LIPE: variants seen among roughly 807,000 people sequenced by gnomAD.
The protein encoded by LIPE is hormone-sensitive lipase.
A neutral mutation model predicts 88.5 loss-of-function variants in LIPE; 66 were observed. That is an observed-to-expected ratio of 0.75 (90% CI 0.61 to 0.91). LIPE has a LOEUF of 0.91. LIPE is among the 40% of genes least tolerant of loss of function. LIPE has a pLI of 0.00. For missense variants in LIPE, 1,346 were observed against 1,434.7 expected (o/e 0.94, Z 1.00); for synonymous variants, 570 against 617.5 (o/e 0.92, Z 1.14).
At chr19:42,404,233 T>G (rs1431943196) in intron 8 of LIPE, among the ~76,000 whole-genome samples, 1 of 151,530 alleles carries the variant, frequency 6.6e-6, no homozygotes, top group Non-Finnish European at 1.5e-5. Flanking sequence ...CAGCTACTTT[T>G]TGTATTTTTT....
At chr19:42,420,000 ATTTCT>A (rs1262528864) in intron 1 of LIPE, among the ~76,000 whole-genome samples, 2 of 140,842 alleles carry the variant, frequency 1.4e-5, no homozygotes, top group South Asian at 4.5e-4. Context: ...AAGTGCTGGG[ATTTCT>A]TTTCTTTTTT....
At chr19:42,416,822 G>A (rs1477769509) in intron 1 of LIPE, among the ~76,000 whole-genome samples, 3 of 152,240 alleles carry the variant, frequency 2.0e-5, no homozygotes, top group African/African-American at 4.8e-5. Flanking sequence ...GGGCCCTGGT[G>A]GAGTAGATTA....
intron 1 of LIPE, among the ~76,000 whole-genome samples, chr19:42,413,805 T>TGGGACCTGGCAC: frequency 6.6e-6 from 1 of 152,312 alleles, no homozygotes; most frequent in East Asian, 1.9e-4. Context: ...GGGCCTATCA[T>TGGGACCTGGCAC]GGGACCTGGC....
Position 42,402,660 on chromosome 19 carries a change from GC to G in LIPE, c.2913del (p.Pro972ArgfsTer43). 4.0e-6 allele frequency: 6 copies of G among 1,499,506 alleles called. No homozygotes were observed. Among genetic ancestry groups the G allele is most frequent in the Non-Finnish European group, 5.3e-6 (6 of 1,122,374 alleles). 92.9% of individuals were successfully genotyped at this position (1,499,506 alleles called of 1,614,324 possible). A position where few individuals can be genotyped will look rare whatever the true frequency, so the allele number is the denominator to read the frequency against. On this transcript the variant is annotated frameshift_variant, in exon 9 of 10. Coordinates refer to ENST00000244289, the MANE Select transcript of LIPE (RefSeq NM_005357.4). LOFTEE classifies it high-confidence loss of function. The part of the protein sequence containing the change: ...SSPIVKNPFM[S>X]PLLAPDSMLK... ...AGCATGCTGTCGGGTGCCAGCAGCGGCGACATGAAGGGGTTCTTGACTATGG... is the reference window on the plus strand; with the variant it reads ...AGCATGCTGTCGGGTGCCAGCAGCGGGACATGAAGGGGTTCTTGACTATGG...
chr19:42,419,167 A>G (rs975328315), intron 1 of LIPE, among the ~76,000 whole-genome samples: 12 of 152,020 alleles, frequency 7.9e-5, no homozygotes, highest in African/African-American at 2.7e-4. Flanking sequence ...AGTCCCAGCT[A>G]CTCGGGAGGC....
At chr19:42,411,642 A>AC (rs1438785931) in intron 1 of LIPE, among the ~76,000 whole-genome samples, 1 of 151,708 alleles carries the variant, frequency 6.6e-6, no homozygotes, top group East Asian at 1.9e-4. Context: ...TGGCTGTGGA[A>AC]CCCCCTCCAA....
intron 1 of LIPE, chr19:42,423,596 C>A: frequency 8.3e-7 from 1 of 1,210,522 alleles, no homozygotes; most frequent in South Asian, 1.5e-5. Flanking sequence ...GCCCGGAGGG[C>A]CAATCCTCGC....
At chr19:42,402,212 T>G in intron 9 of LIPE, 137 bp from the exon 10 acceptor site, 1 of 839,536 alleles carries the variant, frequency 1.2e-6, no homozygotes, top group South Asian at 2.1e-5. Flanking sequence ...GCAGGAGACA[T>G]GGTGGGTGAG....
intron 1 of LIPE, chr19:42,423,206 G>C: frequency 3.3e-6 from 1 of 303,452 alleles, no homozygotes; most frequent in Non-Finnish European, 6.4e-6. Flanking sequence ...AGCCGATCCG[G>C]GCGTCAGCTA....
At position 42,402,057 on chromosome 19, in the gene LIPE, T is replaced by C. The variant is rs1455218804; in HGVS notation, c.2986A>G (p.Met996Val). The change falls in exon 10 of 10, where the codon ATG becomes GTG. Residue 996 changes from methionine (M) to valine (V), a missense_variant. By Grantham distance (21) the Met-to-Val change is conservative (BLOSUM62 1). Transcript: ENST00000244289. ...VHIVACALDP[M>V]LDDSVMLARR... ...GCGAGCATGACCGAGTCGTCCAGCA[T>C]GGGGTCCAGCGCGCACGCCTACGGG... 4.6e-6 allele frequency: 7 copies of C among 1,508,706 alleles called. No individual in the cohort carries two copies. Among genetic ancestry groups the C allele is most frequent in the African/African-American group, 2.8e-5 (2 of 70,414 alleles). 93.5% of individuals were successfully genotyped at this position (1,508,706 alleles called of 1,614,324 possible).
At chr19:42,402,111 G>A (rs756433641) in intron 9 of LIPE, 36 bp from the exon 10 acceptor site, 1 of 1,438,614 alleles carries the variant, frequency 7.0e-7, no homozygotes, top group South Asian at 1.5e-5. Context: ...GAGAGAGGGT[G>A]GGGGACAGAC....
At position 42,406,020 on chromosome 19, in the gene LIPE, GA is replaced by G. The variant is rs112568358; in HGVS notation, c.2365+140del. 747 of 503,692 alleles carry G rather than the reference GA, an allele frequency of 1.5e-3. 9 individuals are homozygous for G. Among genetic ancestry groups the G allele is most frequent in the South Asian group, 7.9e-3 (343 of 43,320 alleles). The allele number at this position is 503,692 out of a possible 1,614,324, so 31.2% of individuals were successfully genotyped here. A position where few individuals can be genotyped will look rare whatever the true frequency, so the allele number is the denominator to read the frequency against. On this transcript the variant is annotated intron_variant, in intron 7 of 9. Coordinates refer to ENST00000244289, the MANE Select transcript of LIPE (RefSeq NM_005357.4). This position sits in a 1 kb window ranked among gnomAD's most constrained non-coding sequence, Gnocchi z 5.7. ...CACACACACACACACACACACACAC[GA>G]AAAAAAAGGGACAAGGAGTCTTAGA...
chr19:42,407,443 A>G lies in LIPE; in HGVS notation c.1868T>C (p.Ile623Thr). 1.9e-6 allele frequency: 3 copies of G among 1,613,176 alleles called. No homozygotes were observed. The highest frequency in any genetic ancestry group is 2.5e-6 in the Non-Finnish European group (3 of 1,179,462). ...GQDSEELSSL[I>T]KSNGQRSLEL... Reference sequence around the variant, plus strand: ...CAGGCTCCGTTGGCCGTTGGACTTTATCAGGCTGCTGAGCTCCTCACTGTC... The same window carrying G: ...CAGGCTCCGTTGGCCGTTGGACTTTGTCAGGCTGCTGAGCTCCTCACTGTC... The change falls in exon 6 of 10, where the codon ATA (isoleucine) becomes ACA (threonine). Residue 623 changes from isoleucine to threonine, a missense_variant. Coordinates refer to ENST00000244289, the MANE Select transcript of LIPE (RefSeq NM_005357.4). The surrounding 1 kb of genome is among the most constrained non-coding windows in gnomAD (Gnocchi z 5.8).
Position 42,406,018 on chromosome 19 carries a change from A to ACACACACACACG in LIPE, c.2365+142_2365+143insCGTGTGTGTGTG. ...CACACACACACACACACACACACAC[A>ACACACACACACG]CGAAAAAAAAGGGACAAGGAGTCTT... On this transcript the variant is annotated intron_variant, in intron 7 of 9. Transcript: ENST00000244289. The surrounding 1 kb of genome is among the most constrained non-coding windows in gnomAD (Gnocchi z 5.7). 2 of 619,454 alleles carry ACACACACACACG rather than the reference A, an allele frequency of 3.2e-6. No homozygotes were observed. Among genetic ancestry groups the ACACACACACACG allele is most frequent in the South Asian group, 3.9e-5 (2 of 51,524 alleles). The allele number at this position is 619,454 out of a possible 1,614,324, so 38.4% of individuals were successfully genotyped here. A position where few individuals can be genotyped will look rare whatever the true frequency, so the allele number is the denominator to read the frequency against.
intron 8 of LIPE, 71 bp downstream of exon 8, chr19:42,405,314 G>A: frequency 1.3e-6 from 2 of 1,497,476 alleles, no homozygotes; most frequent in Non-Finnish European, 1.8e-6. Flanking sequence ...ATCTTCCCTG[G>A]GACTTTTGCT....
intron 1 of LIPE, chr19:42,412,225 A>T: frequency 1.0e-6 from 1 of 973,096 alleles, no homozygotes; most frequent in Non-Finnish European, 1.2e-6. Context: ...CCTTGGTGGA[A>T]TGCTACCATC....
intron 1 of LIPE, among the ~76,000 whole-genome samples, chr19:42,412,071 A>G (rs987391843): frequency 4.1e-4 from 62 of 152,294 alleles, no homozygotes; most frequent in African/African-American, 1.3e-3. Context: ...GGACTCTGGA[A>G]GCCACATCTC....
chr19:42,412,706 GA>G, intron 1 of LIPE: 6 of 298,220 alleles, frequency 2.0e-5, no homozygotes, highest in Non-Finnish European at 3.0e-5. Flanking sequence ...TAGGACCCAG[GA>G]GTCCTAGCCC....
In LIPE at chr19:42,401,852, C is replaced by A. The variant is rs572063779; in HGVS notation, c.3191G>T (p.Gly1064Val). The A allele has an allele frequency of 6.6e-7, 1 of 1,523,198 alleles. No homozygotes were observed. Among genetic ancestry groups the A allele is most frequent in the African/African-American group, 1.4e-5 (1 of 71,114 alleles). The allele number at this position is 1,523,198 out of a possible 1,614,324, so 94.4% of individuals were successfully genotyped here. Residue 1064 changes from glycine to valine, a missense_variant, in exon 10 of 10, where the codon GGG (glycine) becomes GTG (valine). By Grantham distance (109) the Gly-to-Val change is moderately radical. Transcript: ENST00000244289. ...GCAGCCCCCGTCTACCCCCGCAGCC[C>A]CCGTCTCCCCGCTCGGCCCGGCTCC... ...PAGAGPSGET[G>V]AAGVDGGCGG...
Sources: allele counts gnomAD v4.1 joint callset (sites outside exome capture counted in the v4.1 genomes callset), GRCh38; gene constraint gnomAD v4.1.1; non-coding constraint Gnocchi (gnomAD v3.1); transcripts MANE v1.5; gene names NCBI Gene and HGNC (gene_info 2026-07-23, HGNC 2026-07-21).